Variants in ACTR3C observed in about 807,000 individuals in gnomAD.
ACTR3C encodes the protein actin-related protein 3C.
A neutral mutation model predicts 26.3 loss-of-function variants in ACTR3C; 18 were observed. The ratio of observed to expected loss-of-function variants is 0.68; its 90% CI spans 0.47 to 1.01. ACTR3C has a LOEUF of 1.01. Ranked by LOEUF, ACTR3C falls within the 50% of genes least tolerant of loss-of-function variation. The pLI is 0.00. For missense variants in ACTR3C, 184 were observed against 250.7 expected (o/e 0.73, Z 1.80); for synonymous variants, 55 against 94.5 (o/e 0.58, Z 2.42).
the ACTR3C span, among the ~76,000 whole-genome samples, chr7:150,104,017 C>T: frequency 6.6e-6 from 1 of 151,920 alleles, no homozygotes; most frequent in Non-Finnish European, 1.5e-5. Flanking sequence ...GGACATTATT[C>T]AAGAGGGCTG....
chr7:150,189,882 G>A, the ACTR3C span, among the ~76,000 whole-genome samples: 2 of 138,732 alleles, frequency 1.4e-5, no homozygotes, highest in Admixed American at 7.6e-5. Flanking sequence ...AGGTTTTTAT[G>A]TGAGCACACC....
the ACTR3C span, among the ~76,000 whole-genome samples, chr7:150,184,754 G>C: frequency 6.7e-6 from 1 of 149,094 alleles, no homozygotes; most frequent in African/African-American, 2.6e-5. Context: ...CACGCTAAGG[G>C]GGTTTGAGCT....
chr7:150,212,110 A>C, the ACTR3C span, among the ~76,000 whole-genome samples: 587 of 141,850 alleles, frequency 4.1e-3, 3 homozygotes, highest in Middle Eastern at 0.011. Flanking sequence ...GGGCATGCAC[A>C]AGAAATTACA....
chr7:150,151,894 T>A, the ACTR3C span, among the ~76,000 whole-genome samples: 1 of 138,214 alleles, frequency 7.2e-6, no homozygotes, highest in African/African-American at 2.5e-5. Context: ...ATAAAAAAAA[T>A]TTCCTCACCA....
chr7:150,040,838 C>T, the ACTR3C span, among the ~76,000 whole-genome samples: 3 of 147,832 alleles, frequency 2.0e-5, no homozygotes, highest in Non-Finnish European at 4.4e-5. Flanking sequence ...GTCACAAGAG[C>T]CAGAGGGGGA....
chr7:149,882,292 C>T, the ACTR3C span, among the ~76,000 whole-genome samples: 3 of 152,204 alleles, frequency 2.0e-5, no homozygotes, highest in Admixed American at 6.5e-5. Flanking sequence ...TTCTTGCCTT[C>T]TGTGATATTG....
the ACTR3C span, chr7:150,002,527 C>T: frequency 6.6e-6 from 1 of 152,200 alleles, no homozygotes; most frequent in South Asian, 2.1e-4. Context: ...ATGGGAACGT[C>T]CCCTGACCTT....
At chr7:149,953,914 C>A in the ACTR3C span, among the ~76,000 whole-genome samples, 1 of 138,974 alleles carries the variant, frequency 7.2e-6, no homozygotes, top group Admixed American at 7.5e-5. Context: ...GATGTTGGAA[C>A]AATCCGCTTT....
At chr7:150,245,789 A>G (rs1832431895), downstream of ACTR3C, 1 of 152,270 alleles carries the variant, frequency 6.6e-6, no homozygotes, top group South Asian at 2.1e-4. Flanking sequence ...CACAGGAGAT[A>G]GCAAGAGGAA....
chr7:149,897,132 C>T, the ACTR3C span, among the ~76,000 whole-genome samples: 13 of 150,808 alleles, frequency 8.6e-5, no homozygotes, highest in African/African-American at 2.4e-4. Flanking sequence ...GACTCCACTT[C>T]AGACAGAGTT....
At chr7:150,205,324 AT>A in the ACTR3C span, among the ~76,000 whole-genome samples, 1 of 152,188 alleles carries the variant, frequency 6.6e-6, no homozygotes, top group African/African-American at 2.4e-5. Flanking sequence ...ATTACACATC[AT>A]TTTCGTTAGA....
chr7:150,064,799 T>C, the ACTR3C span, among the ~76,000 whole-genome samples: 1 of 151,956 alleles, frequency 6.6e-6, no homozygotes, highest in African/African-American at 2.4e-5. Context: ...GTACTTTACG[T>C]TTGCCAAGGT....
Position 150,293,381 on chromosome 7 carries a change from T to G in ACTR3C, c.84A>C (p.Gln28His). The G allele has an allele frequency of 6.2e-7, 1 of 1,606,872 alleles. No individual in the cohort carries two copies. ...TCCCCGTTAATGTACGTTCACCCAC[T>G]TGTCGAGATGTCCAAGATGCCGCCA... is the stretch of plus-strand genomic sequence containing the variant. ...LALAASWTSR[Q>H]VGERTLTGIV... is the part of the protein sequence containing the mutation. Residue 28 changes from glutamine to histidine, a missense_variant, in exon 3 of 8, where the codon CAA becomes CAC. Physicochemically the swap from Gln to His is conservative, Grantham distance 24 (BLOSUM62 0). Transcript: ENST00000683684.
the ACTR3C span, among the ~76,000 whole-genome samples, chr7:149,931,026 T>G: frequency 1.3e-5 from 2 of 152,190 alleles, no homozygotes; most frequent in African/African-American, 4.8e-5. Context: ...CCACCATGCC[T>G]GGCTAATTTT....
At chr7:150,230,444 C>A in the ACTR3C span, among the ~76,000 whole-genome samples, 9,009 of 152,040 alleles carry the variant, frequency 0.059, 485 homozygotes, top group African/African-American at 0.14. Flanking sequence ...ATGGACAGGT[C>A]CCAATCCATG....
chr7:150,085,055 G>C, the ACTR3C span, among the ~76,000 whole-genome samples: 1 of 152,300 alleles, frequency 6.6e-6, no homozygotes, highest in South Asian at 2.1e-4. Flanking sequence ...TGACCACCTG[G>C]GTTGGTGGTG....
the ACTR3C span, among the ~76,000 whole-genome samples, chr7:149,939,326 AG>A: frequency 5.4e-4 from 82 of 152,338 alleles, no homozygotes; most frequent in African/African-American, 1.9e-3. Context: ...ATATTAAAGT[AG>A]TTGTTGGTAA....
chr7:150,230,578 C>A, the ACTR3C span, among the ~76,000 whole-genome samples: 1 of 152,092 alleles, frequency 6.6e-6, no homozygotes, highest in Non-Finnish European at 1.5e-5. Flanking sequence ...TGCCTGCATG[C>A]AAGGGATCTA....
chr7:149,974,218 C>T, the ACTR3C span, among the ~76,000 whole-genome samples: 5 of 133,094 alleles, frequency 3.8e-5, no homozygotes, highest in Non-Finnish European at 7.9e-5. Context: ...CCAATTATTA[C>T]AGCAAATTGC....
Sources: gnomAD v4.1 joint callset for allele counts (sites outside exome capture counted in the v4.1 genomes callset) on GRCh38, gnomAD v4.1.1 for gene constraint, MANE v1.5 for transcripts, NCBI Gene and HGNC (gene_info 2026-07-23, HGNC 2026-07-21) for gene names.